Variants in CLMN observed in about 807,000 individuals in gnomAD.
CLMN encodes the protein calmin.
A neutral mutation model predicts 92.7 loss-of-function variants in CLMN; 57 were observed. That is an observed-to-expected ratio of 0.61 (90% confidence interval 0.50 to 0.77). The LOEUF is 0.77. CLMN is among the 30% of genes least tolerant of loss of function. The pLI is 0.00. For missense variants in CLMN, 1,158 were observed against 1,237.5 expected (o/e 0.94, Z 0.96); for synonymous variants, 466 against 470.6 (o/e 0.99, Z 0.13).
rs1050478263 is a variant in CLMN, at chr14:95,294,523, C to T, written c.82+25188G>A. 1.4e-4 allele frequency among the ~76,000 whole-genome samples: 22 copies of T among 152,138 alleles called. No homozygotes were observed. Among genetic ancestry groups the T allele is most frequent in the South Asian group, 4.1e-4 (2 of 4,820 alleles). ...TGGAGACAGACCTGCATCCACATTC[C>T]GGCTCCCCCTCCCTCACCTGTCCCT... On this transcript the variant is annotated intron_variant, in intron 1 of 12. Coordinates refer to ENST00000298912, the MANE Select transcript of CLMN (RefSeq NM_024734.4). This position sits in a 1 kb window ranked among gnomAD's most constrained non-coding sequence, Gnocchi z 4.2.
At position 95,196,696 on chromosome 14, in the gene CLMN, T is replaced by A; in HGVS notation, c.2512-2A>T. ...TTCCAGGTTTGGGGATTCCTGGGACTGAAAGACAGAACAACCAAATCCAAG... is the reference window on the plus strand; with the variant it reads ...TTCCAGGTTTGGGGATTCCTGGGACAGAAAGACAGAACAACCAAATCCAAG... On this transcript the variant is annotated splice_acceptor_variant, in intron 9 of 12. Transcript: ENST00000298912. LOFTEE classifies it high-confidence loss of function. 1 of 1,611,704 alleles carries A rather than the reference T, an allele frequency of 6.2e-7. No homozygotes were observed. The highest frequency in any genetic ancestry group is 8.5e-7 in the Non-Finnish European group (1 of 1,179,106).
At chr14:95,213,833 T>A (rs1314654506) in intron 5 of CLMN, among the ~76,000 whole-genome samples, 1 of 152,086 alleles carries the variant, frequency 6.6e-6, no homozygotes, top group Admixed American at 6.5e-5. Flanking sequence ...TGAACTCCTC[T>A]CATGAGGACT....
At chr14:95,246,185 C>G (rs1397839589) in intron 1 of CLMN, among the ~76,000 whole-genome samples, 2 of 152,168 alleles carry the variant, frequency 1.3e-5, no homozygotes, top group Non-Finnish European at 2.9e-5. Flanking sequence ...ACACCTTTCC[C>G]TTCCTCTATC....
At chr14:95,269,090 C>T (rs8007250) in intron 1 of CLMN, among the ~76,000 whole-genome samples, 36,590 of 151,846 alleles carry the variant, frequency 0.24, 5,808 homozygotes, top group African/African-American at 0.45. Flanking sequence ...CGTGAGCCAC[C>T]GCACTTGGCT....
At chr14:95,260,117 C>T (rs1193556725) in intron 1 of CLMN, among the ~76,000 whole-genome samples, 2 of 152,198 alleles carry the variant, frequency 1.3e-5, no homozygotes, top group African/African-American at 4.8e-5. Flanking sequence ...TTCATTCATT[C>T]ATTCTGTCCT....
intron 1 of CLMN, among the ~76,000 whole-genome samples, chr14:95,299,309 C>A (rs1259103456): frequency 2.0e-5 from 3 of 152,178 alleles, no homozygotes; most frequent in South Asian, 4.1e-4. Context: ...CCATTCTGGG[C>A]TCTTCAGTGC....
intron 1 of CLMN, among the ~76,000 whole-genome samples, chr14:95,302,317 AAAC>A (rs1203000106): frequency 6.6e-6 from 1 of 152,084 alleles, no homozygotes; most frequent in Non-Finnish European, 1.5e-5. Flanking sequence ...AAAAAAATTA[AAAC>A]AAAAAAAGAG....
chr14:95,250,748 C>T (rs902948754), intron 1 of CLMN, among the ~76,000 whole-genome samples: 1 of 152,198 alleles, frequency 6.6e-6, no homozygotes, highest in African/African-American at 2.4e-5. Flanking sequence ...AGTCAGGAAG[C>T]CTGTCTCTTA....
chr14:95,191,516 C>A lies in CLMN; in HGVS notation c.*48G>T. 2 of 1,526,700 alleles carry A rather than the reference C, an allele frequency of 1.3e-6. No homozygotes were observed. Among genetic ancestry groups the A allele is most frequent in the South Asian group, 1.3e-5 (1 of 79,266 alleles). 94.6% of individuals were successfully genotyped at this position (1,526,700 alleles called of 1,614,324 possible). A position where few individuals can be genotyped will look rare whatever the true frequency, so the allele number is the denominator to read the frequency against. ...AGAACCCAAAATAAAATGAAGTAAC[C>A]CCGCCCCTGGTCAGGGTCCTGTCTT... On this transcript the variant is annotated 3_prime_UTR_variant, in exon 13 of 13. Transcript: ENST00000298912. This position sits in a 1 kb window ranked among gnomAD's most constrained non-coding sequence, Gnocchi z 5.3.
chr14:95,246,625 C>CGCCA (rs1167335818), intron 1 of CLMN, among the ~76,000 whole-genome samples: 2 of 152,158 alleles, frequency 1.3e-5, no homozygotes, highest in African/African-American at 4.8e-5. Flanking sequence ...CCCACCACCA[C>CGCCA]GCCAGCTAAT....
chr14:95,220,791 C>T (rs570949953), intron 4 of CLMN, among the ~76,000 whole-genome samples: 105 of 152,314 alleles, frequency 6.9e-4, no homozygotes, highest in African/African-American at 2.1e-3. Context: ...GATGCTGAGA[C>T]GACCACAAAG....
chr14:95,246,389 C>T (rs1233239795), intron 1 of CLMN, among the ~76,000 whole-genome samples: 1 of 152,230 alleles, frequency 6.6e-6, no homozygotes, highest in Non-Finnish European at 1.5e-5. Flanking sequence ...TCTTCTCTCT[C>T]CTTTTGCCAC....
At chr14:95,250,988 C>G (rs954785647) in intron 1 of CLMN, among the ~76,000 whole-genome samples, 1 of 152,164 alleles carries the variant, frequency 6.6e-6, no homozygotes, top group Non-Finnish European at 1.5e-5. Context: ...TAGGAGAGGG[C>G]TGGTTCTTAA....
intron 1 of CLMN, among the ~76,000 whole-genome samples, chr14:95,297,580 C>T (rs1900857567): frequency 6.6e-6 from 1 of 152,210 alleles, no homozygotes; most frequent in African/African-American, 2.4e-5. Flanking sequence ...TTTGCCTTCT[C>T]CAAGCTGTCA....
chr14:95,313,640 C>CAA (rs201896524), intron 1 of CLMN, among the ~76,000 whole-genome samples: 6 of 90,810 alleles, frequency 6.6e-5, no homozygotes, highest in Non-Finnish European at 1.2e-4. Flanking sequence ...ACTGTTTAAA[C>CAA]AAAAAAAAAA....
intron 1 of CLMN, among the ~76,000 whole-genome samples, chr14:95,270,838 T>C (rs1403973945): frequency 6.6e-6 from 1 of 152,172 alleles, no homozygotes; most frequent in East Asian, 1.9e-4. Flanking sequence ...CACCTAGGAG[T>C]AGAATTTCTG....
In CLMN at chr14:95,191,483, C is replaced by T; in HGVS notation, c.*81G>A. The T allele has an allele frequency of 2.5e-6, 3 of 1,223,136 alleles. No individual in the cohort carries two copies. Among genetic ancestry groups the T allele is most frequent in the Non-Finnish European group, 3.4e-6 (3 of 891,078 alleles). 75.8% of individuals were successfully genotyped at this position (1,223,136 alleles called of 1,614,324 possible). A position where few individuals can be genotyped will look rare whatever the true frequency, so the allele number is the denominator to read the frequency against. ...AGGTCCTCAACTGTCTGTAGAAGTG[C>T]CCCACCCAGAACCCAAAATAAAATG... is the stretch of plus-strand genomic sequence containing the variant. On this transcript the variant is annotated 3_prime_UTR_variant, in exon 13 of 13. Transcript: ENST00000298912. This position sits in a 1 kb window ranked among gnomAD's most constrained non-coding sequence, Gnocchi z 5.3.
At chr14:95,228,116 A>G (rs1157629565) in intron 2 of CLMN, among the ~76,000 whole-genome samples, 1 of 152,136 alleles carries the variant, frequency 6.6e-6, no homozygotes, top group African/African-American at 2.4e-5. Context: ...GGGTGCGGGT[A>G]TATTCACCAC....
chr14:95,266,293 T>C (rs1172657775), intron 1 of CLMN, among the ~76,000 whole-genome samples: 1 of 152,166 alleles, frequency 6.6e-6, no homozygotes, highest in Non-Finnish European at 1.5e-5. Flanking sequence ...CAACATAATC[T>C]TGCATTTAGA....
Sources: allele counts gnomAD v4.1 joint callset (sites outside exome capture counted in the v4.1 genomes callset), GRCh38; gene constraint gnomAD v4.1.1; non-coding constraint Gnocchi (gnomAD v3.1); transcripts MANE v1.5; gene names NCBI Gene and HGNC (gene_info 2026-07-23, HGNC 2026-07-21).